Variants in P2RY12 observed in about 807,000 individuals in gnomAD.
The protein encoded by P2RY12 is P2Y purinoceptor 12.
In P2RY12, 3 loss-of-function variants were observed where a neutral mutation model predicts 4.5. The ratio of observed to expected loss-of-function variants is 0.67; its 90% CI spans 0.31 to 1.74. The LOEUF (loss-of-function observed/expected upper bound fraction) is 1.74, where lower values mean the gene tolerates loss of function less well. P2RY12 is among the 40% of genes most tolerant of loss of function. P2RY12 has a pLI of 0.09. For synonymous variants in P2RY12, 148 were observed against 154.1 expected, an observed-to-expected ratio of 0.96 and a Z score of 0.29; for missense variants, 356 against 407.8, an observed-to-expected ratio of 0.87 and a Z score of 1.09.
At position 151,363,197 on chromosome 3, in the gene P2RY12, G is replaced by T. The variant is rs147128884; in HGVS notation, c.-180+21495C>A. On this transcript the variant is annotated intron_variant, in intron 1 of 2. Coordinates refer to ENST00000302632, the MANE Select transcript of P2RY12 (RefSeq NM_022788.5). ...ATCATAGTGATTGGCACTGTCTAAA[G>T]TTTCCTCTATTTGAAAAAATGAAAG... Among the ~76,000 whole-genome samples, 726 of 152,156 alleles carry T rather than the reference G, an allele frequency of 4.8e-3. 5 individuals carry two copies. Among genetic ancestry groups the T allele is most frequent in the African/African-American group, 0.017 (704 of 41,518 alleles).
At chr3:151,375,959 A>G (rs1335032601) in intron 1 of P2RY12, 26 of 762,614 alleles carry the variant, frequency 3.4e-5, no homozygotes. Context: ...CTGTGGATTT[A>G]GTACATATTG....
chr3:151,376,673 C>T (rs1756892413), intron 1 of P2RY12: 3 of 761,496 alleles, frequency 3.9e-6, no homozygotes, highest in Non-Finnish European at 6.5e-6. Flanking sequence ...AACCTTTTGA[C>T]TCATATAAAT....
intron 1 of P2RY12, among the ~76,000 whole-genome samples, chr3:151,373,743 T>C (rs1218914741): frequency 6.6e-6 from 1 of 152,292 alleles, no homozygotes; most frequent in East Asian, 1.9e-4. Flanking sequence ...ATTCATCCTA[T>C]CACATCATTT....
intron 1 of P2RY12, chr3:151,360,682 C>A: frequency 7.5e-7 from 1 of 1,337,190 alleles, no homozygotes. Context: ...TATTGTCATC[C>A]TTTTGAATAA....
intron 1 of P2RY12, among the ~76,000 whole-genome samples, chr3:151,361,488 C>T (rs1754609253): frequency 6.6e-6 from 1 of 152,102 alleles, no homozygotes; most frequent in South Asian, 2.1e-4. Flanking sequence ...AGTTAACCTA[C>T]TTGCTATCTT....
chr3:151,355,798 G>C, intron 1 of P2RY12: 1 of 1,035,358 alleles, frequency 9.7e-7, no homozygotes, highest in South Asian at 1.8e-5. Flanking sequence ...GTAGAATCAT[G>C]TATAGATTCA....
intron 1 of P2RY12, among the ~76,000 whole-genome samples, chr3:151,364,271 A>G (rs918022098): frequency 6.6e-6 from 1 of 152,232 alleles, no homozygotes; most frequent in Non-Finnish European, 1.5e-5. Flanking sequence ...CTAGTAGTCT[A>G]TATCTGATTC....
intron 1 of P2RY12, chr3:151,382,539 T>G (rs1277933170): frequency 3.5e-6 from 2 of 570,870 alleles, no homozygotes; most frequent in Non-Finnish European, 5.9e-6. Flanking sequence ...TTATTTAGCT[T>G]TGTTTGTTAA....
intron 1 of P2RY12, chr3:151,367,840 C>T (rs1755472447): frequency 2.1e-5 from 31 of 1,496,532 alleles, no homozygotes; most frequent in Non-Finnish European, 2.7e-5. Context: ...CATTACAACA[C>T]AGGGAAAGGA....
chr3:151,383,756 T>C lies in P2RY12; in HGVS notation c.-180+936A>G, dbSNP rs117077478. 1,995 of 1,488,676 alleles carry C rather than the reference T, an allele frequency of 1.3e-3. 37 individuals are homozygous for C. In the East Asian group the frequency reaches 0.035, roughly 26 times the overall value. 92.2% of individuals were successfully genotyped at this position (1,488,676 alleles called of 1,614,324 possible). ...CTTTCTGTTTTACAGAATGCAAATA[T>C]CTTACTGTATTTTGTCTGCTAGGTA... is the stretch of plus-strand genomic sequence containing the variant. On this transcript the variant is annotated intron_variant, in intron 1 of 2. Transcript: ENST00000302632.
intron 1 of P2RY12, among the ~76,000 whole-genome samples, chr3:151,348,443 C>A (rs756715772): frequency 6.6e-6 from 1 of 151,722 alleles, no homozygotes; most frequent in African/African-American, 2.4e-5. Context: ...CATTCAGATG[C>A]GCAGCCAGCT....
At chr3:151,380,726 G>C (rs1194964906) in intron 1 of P2RY12, among the ~76,000 whole-genome samples, 1 of 151,992 alleles carries the variant, frequency 6.6e-6, no homozygotes, top group African/African-American at 2.4e-5. Flanking sequence ...ATATTAATGA[G>C]ATATATACAA....
chr3:151,357,873 G>T (rs979984365), intron 1 of P2RY12, among the ~76,000 whole-genome samples: 10 of 152,148 alleles, frequency 6.6e-5, no homozygotes, highest in African/African-American at 2.4e-4. Context: ...GTAGGCTGGG[G>T]CTTACTCTAC....
At chr3:151,376,012 C>A in intron 1 of P2RY12, 1 of 1,494,510 alleles carries the variant, frequency 6.7e-7, no homozygotes, top group Non-Finnish European at 9.0e-7. Context: ...ATCTAATTGC[C>A]ATATTATTTT....
In P2RY12 at chr3:151,373,855, C is replaced by T. The variant is rs928603196; in HGVS notation, c.-180+10837G>A. 1.5e-3 allele frequency among the ~76,000 whole-genome samples: 227 copies of T among 152,212 alleles called. 1 individual carries two copies. The highest frequency in any genetic ancestry group is 5.7e-4 in the Non-Finnish European group (39 of 68,016). On this transcript the variant is annotated intron_variant, in intron 1 of 2. Coordinates refer to ENST00000302632, the MANE Select transcript of P2RY12 (RefSeq NM_022788.5). ...CTATTCCTCCAAGGAGCCCTTGGTT[C>T]TATTTAGCAGAGAACGTTACTGAGA...
chr3:151,337,926 T>C lies in P2RY12; in HGVS notation c.920A>G (p.Asn307Ser), dbSNP rs758414641. ...IYFFLCKSFR[N>S]SLISMLKCPN... ...GCACTTCAGCATACTTATCAAGGAA[T>C]TTCTGAAGGACTTGCAAAGGAAAAA... Residue 307 changes from asparagine (N) to serine (S), a missense_variant, in exon 3 of 3, where the codon AAT (asparagine) becomes AGT (serine). By Grantham distance (46) the Asn-to-Ser change is conservative. Coordinates refer to ENST00000302632, the MANE Select transcript of P2RY12 (RefSeq NM_022788.5). The C allele has an allele frequency of 1.2e-6, 2 of 1,614,102 alleles. No individual in the cohort carries two copies. Among genetic ancestry groups the C allele is most frequent in the Non-Finnish European group, 1.7e-6 (2 of 1,179,978 alleles).
chr3:151,369,581 T>C, intron 1 of P2RY12: 1 of 1,405,200 alleles, frequency 7.1e-7, no homozygotes, highest in Non-Finnish European at 9.9e-7. Flanking sequence ...GCTTCTTGGT[T>C]AATCACCAGA....
rs1482246610 is a variant in P2RY12 at position 151,344,279 on chromosome 3, A to G, written c.-179-3519T>C. Among the ~76,000 whole-genome samples, 3 of 146,320 alleles carry G rather than the reference A, an allele frequency of 2.1e-5. No individual in the cohort carries two copies. In the Admixed American group the frequency reaches 2.1e-4, roughly 10 times the overall value. On this transcript the variant is annotated intron_variant, in intron 1 of 2. Coordinates refer to ENST00000302632, the MANE Select transcript of P2RY12 (RefSeq NM_022788.5). ...CCTATTTTCTTGATTTACAGAAAATATACTCTATGTATAGTTACTAATGAT... is the reference window on the plus strand; with the variant it reads ...CCTATTTTCTTGATTTACAGAAAATGTACTCTATGTATAGTTACTAATGAT...
At chr3:151,369,095 G>T (rs1336464598) in intron 1 of P2RY12, among the ~76,000 whole-genome samples, 2 of 152,154 alleles carry the variant, frequency 1.3e-5, no homozygotes, top group Non-Finnish European at 2.9e-5. Flanking sequence ...AAGGAATAAA[G>T]TAAGAATTTT....
Sources: allele counts gnomAD v4.1 joint callset (sites outside exome capture counted in the v4.1 genomes callset), GRCh38; gene constraint gnomAD v4.1.1; transcripts MANE v1.5; gene names NCBI Gene and HGNC (gene_info 2026-07-23, HGNC 2026-07-21).